The following MAML2 variants were observed in gnomAD, a reference collection of about 807,000 sequenced individuals.
MAML2 encodes mastermind like transcriptional coactivator 2.
Under a neutral mutation model 96.1 loss-of-function variants are expected in MAML2, and 22 were observed. That is an observed-to-expected ratio of 0.23 (90% CI 0.16 to 0.33). The LOEUF (loss-of-function observed/expected upper bound fraction) is 0.33, where lower values mean the gene tolerates loss of function less well. Among genes scored for constraint, MAML2 ranks in the 10% least tolerant of loss-of-function variants. MAML2 has a pLI of 1.00. For synonymous variants in MAML2, 561 were observed against 521.3 expected (o/e 1.08, Z -1.04); for missense variants, 1,367 against 1,392.4 (o/e 0.98, Z 0.29).
intron 1 of MAML2, among the ~76,000 whole-genome samples, chr11:96,336,858 A>G (rs1170102373): frequency 1.3e-5 from 2 of 152,268 alleles, no homozygotes; most frequent in African/African-American, 4.8e-5. Flanking sequence ...TACAGAAGCC[A>G]TAAGTGATTA....
chr11:95,984,507 C>T (rs537668770), intron 4 of MAML2, among the ~76,000 whole-genome samples: 7 of 152,258 alleles, frequency 4.6e-5, no homozygotes, highest in Admixed American at 3.3e-4. Flanking sequence ...AGGCTGGCCT[C>T]GAACTTTTGG....
At chr11:96,189,118 C>T (rs188873405) in intron 1 of MAML2, among the ~76,000 whole-genome samples, 37 of 151,846 alleles carry the variant, frequency 2.4e-4, no homozygotes. Context: ...ACCACCTCTG[C>T]ACCCATTATT....
intron 1 of MAML2, among the ~76,000 whole-genome samples, chr11:96,316,317 G>C (rs1863632846): frequency 6.6e-6 from 1 of 152,190 alleles, no homozygotes; most frequent in Non-Finnish European, 1.5e-5. Flanking sequence ...CTACTCTAAA[G>C]GGAGTGATAG....
At chr11:96,221,131 TCAC>T (rs1003722448) in intron 1 of MAML2, among the ~76,000 whole-genome samples, 1 of 152,184 alleles carries the variant, frequency 6.6e-6, no homozygotes, top group Non-Finnish European at 1.5e-5. Context: ...AATAATAATT[TCAC>T]CACCACAACA....
intron 1 of MAML2, among the ~76,000 whole-genome samples, chr11:96,110,242 G>A (rs1393936325): frequency 6.6e-6 from 1 of 152,182 alleles, no homozygotes; most frequent in African/African-American, 2.4e-5. Context: ...CTCTACTGGA[G>A]GAAGGAGAGA....
chr11:96,178,042 AT>A (rs201332935), intron 1 of MAML2, among the ~76,000 whole-genome samples: 141 of 150,544 alleles, frequency 9.4e-4, no homozygotes, highest in South Asian at 1.3e-3. Flanking sequence ...AAAAAAATAA[AT>A]ATCACAATTC....
chr11:95,980,922 CT>C (rs1169912386), intron 4 of MAML2, among the ~76,000 whole-genome samples: 1 of 152,212 alleles, frequency 6.6e-6, no homozygotes, highest in Non-Finnish European at 1.5e-5. Context: ...AAAAACTGGA[CT>C]GCTGGTCCTG....
intron 1 of MAML2, among the ~76,000 whole-genome samples, chr11:96,158,983 G>A (rs573190): frequency 0.39 from 59,146 of 151,974 alleles, 12,068 homozygotes; most frequent in East Asian, 0.73. Flanking sequence ...ATTAACTAGT[G>A]GGGAAAGGGC....
At chr11:96,259,941 A>ATT (rs5793794) in intron 1 of MAML2, among the ~76,000 whole-genome samples, 3 of 143,134 alleles carry the variant, frequency 2.1e-5, no homozygotes, top group African/African-American at 7.7e-5. Context: ...CTGACTTGTG[A>ATT]TTTTTTTTTT....
At chr11:96,255,066 G>A (rs774504262) in intron 1 of MAML2, among the ~76,000 whole-genome samples, 8 of 151,972 alleles carry the variant, frequency 5.3e-5, no homozygotes, top group South Asian at 2.1e-4. Flanking sequence ...CAAGCGATCC[G>A]CCCACCGCCT....
chr11:95,995,390 C>T (rs1320560705), intron 2 of MAML2, among the ~76,000 whole-genome samples: 1 of 152,122 alleles, frequency 6.6e-6, no homozygotes, highest in Non-Finnish European at 1.5e-5. Context: ...TAGCTTTGCT[C>T]TTTGCTGTTC....
chr11:96,255,103 T>C (rs1862643877), intron 1 of MAML2, among the ~76,000 whole-genome samples: 1 of 152,216 alleles, frequency 6.6e-6, no homozygotes, highest in Non-Finnish European at 1.5e-5. Context: ...GTGCTGGGAT[T>C]ACAGGCGCAA....
chr11:96,117,792 A>G (rs1428123421), intron 1 of MAML2, among the ~76,000 whole-genome samples: 1 of 152,208 alleles, frequency 6.6e-6, no homozygotes, highest in Non-Finnish European at 1.5e-5. Flanking sequence ...ATTGTACTTA[A>G]TCAAGACAAT....
At chr11:96,220,626 AT>A (rs1422083275) in intron 1 of MAML2, among the ~76,000 whole-genome samples, 3 of 152,012 alleles carry the variant, frequency 2.0e-5, no homozygotes, top group Non-Finnish European at 2.9e-5. Flanking sequence ...TACATGCAGA[AT>A]TTTTTTTGTC....
Position 96,295,321 on chromosome 11 carries a change from T to C in MAML2, c.513+46062A>G, listed in dbSNP as rs192577980. Among the ~76,000 whole-genome samples the C allele has an allele frequency of 3.3e-4, 51 of 152,346 alleles. 1 individual carries two copies. The East Asian group carries it at 9.1e-3, about 27-fold the overall frequency. On this transcript the variant is annotated intron_variant, in intron 1 of 4. Transcript: ENST00000524717. ...CAGACAGTCAGGATTAAAATGCTTT[T>C]CTATATTTAGAAACATAGGAATGAA...
chr11:96,068,694 G>A (rs1229494054), intron 2 of MAML2, among the ~76,000 whole-genome samples: 1 of 151,986 alleles, frequency 6.6e-6, no homozygotes, highest in Non-Finnish European at 1.5e-5. Flanking sequence ...GCTGGGCATG[G>A]TGGCAGGCAC....
intron 1 of MAML2, among the ~76,000 whole-genome samples, chr11:96,213,059 G>A (rs771412812): frequency 3.3e-5 from 5 of 152,100 alleles, no homozygotes; most frequent in Non-Finnish European, 7.4e-5. Flanking sequence ...TATCATATGT[G>A]GTAGGAACTA....
intron 2 of MAML2, among the ~76,000 whole-genome samples, chr11:96,068,512 A>G (rs1859282031): frequency 6.6e-6 from 1 of 151,160 alleles, no homozygotes; most frequent in South Asian, 2.1e-4. Flanking sequence ...AGAGAGGCCC[A>G]ACCTGAAGAG....
intron 1 of MAML2, among the ~76,000 whole-genome samples, chr11:96,175,512 C>A (rs548440341): frequency 1.3e-5 from 2 of 152,304 alleles, no homozygotes; most frequent in Admixed American, 1.3e-4. Context: ...CAATATTTGT[C>A]CTTAGCATAA....
Sources: gnomAD v4.1 joint callset for allele counts (sites outside exome capture counted in the v4.1 genomes callset) on GRCh38, gnomAD v4.1.1 for gene constraint, MANE v1.5 for transcripts, NCBI Gene and HGNC (gene_info 2026-07-23, HGNC 2026-07-21) for gene names.